TM4SF5: variants seen among roughly 807,000 people sequenced by gnomAD.
TM4SF5 encodes the protein transmembrane 4 L six family member 5, also known as transmembrane 4 L6 family member 5.
In TM4SF5, 16 loss-of-function variants were observed where a neutral mutation model predicts 22.3. The ratio of observed to expected loss-of-function variants is 0.72; its 90% CI spans 0.49 to 1.09. The LOEUF is 1.09. Ranked by LOEUF, TM4SF5 falls within the 50% of genes least tolerant of loss-of-function variation. The pLI is 0.00. For missense variants in TM4SF5, 249 were observed against 266.1 expected (o/e 0.94, Z 0.45); for synonymous variants, 113 against 109.6 (o/e 1.03, Z -0.19).
chr17:4,781,066 G>A (rs1917297043), intron 2 of TM4SF5, among the ~76,000 whole-genome samples, 197 bp downstream of exon 2: 1 of 150,876 alleles, frequency 6.6e-6, no homozygotes, highest in South Asian at 2.1e-4. Flanking sequence ...TGCAATCTCG[G>A]CTACTTGGGA....
chr17:4,782,744 G>C (rs1461327941), intron 3 of TM4SF5, 105 bp downstream of exon 3: 1 of 1,571,882 alleles, frequency 6.4e-7, no homozygotes, highest in Non-Finnish European at 8.6e-7. Context: ...GAGGGCACTC[G>C]CTCCACGTGG....
At chr17:4,781,135 T>TAAA (rs541886050) in intron 2 of TM4SF5, among the ~76,000 whole-genome samples, 7 of 125,154 alleles carry the variant, frequency 5.6e-5, no homozygotes, top group East Asian at 3.0e-4. Flanking sequence ...AGCAGTGATT[T>TAAA]AAAAAAAAAA....
intron 1 of TM4SF5, among the ~76,000 whole-genome samples, chr17:4,776,888 C>T (rs72833197): frequency 0.034 from 5,165 of 152,134 alleles, 104 homozygotes; most frequent in Non-Finnish European, 0.053. Flanking sequence ...AGTAGAAGGT[C>T]TGCAATATAT....
At chr17:4,776,734 A>T (rs1383726893) in intron 1 of TM4SF5, among the ~76,000 whole-genome samples, 3 of 152,216 alleles carry the variant, frequency 2.0e-5, no homozygotes, top group Non-Finnish European at 4.4e-5. Context: ...ACCTAGCAGT[A>T]AAACTGCTGA....
At chr17:4,777,133 G>T (rs993534825) in intron 1 of TM4SF5, among the ~76,000 whole-genome samples, 6 of 150,650 alleles carry the variant, frequency 4.0e-5, no homozygotes, top group Admixed American at 2.0e-4. Context: ...GCAGACAGAG[G>T]TTACAGTGAG....
chr17:4,774,237 C>T (rs765884640), intron 1 of TM4SF5, among the ~76,000 whole-genome samples: 7 of 150,442 alleles, frequency 4.7e-5, no homozygotes, highest in Non-Finnish European at 8.9e-5. Context: ...AATAAATAAG[C>T]ACTGCTGTAT....
chr17:4,773,446 G>A (rs181003069), intron 1 of TM4SF5, among the ~76,000 whole-genome samples: 42 of 152,226 alleles, frequency 2.8e-4, no homozygotes, highest in Admixed American at 1.9e-3. Context: ...GGTCAACCTC[G>A]TTTAATATCT....
intron 4 of TM4SF5, 22 bp downstream of exon 4, chr17:4,783,059 T>A (rs200428400): frequency 5.6e-5 from 90 of 1,613,842 alleles, no homozygotes; most frequent in Non-Finnish European, 7.5e-5. Context: ...TGCGGTGGAG[T>A]TGTAGAGGGA....
rs746166687 is a variant in TM4SF5 at position 4,783,129 on chromosome 17, G to A, written c.*1G>A. 4 of 1,614,024 alleles carry A rather than the reference G, an allele frequency of 2.5e-6. No individual in the cohort carries two copies. Among genetic ancestry groups the A allele is most frequent in the Non-Finnish European group, 2.5e-6 (3 of 1,179,998 alleles). The stretch of plus-strand genomic sequence containing the variant: ...TTTTCCGCAGGACACACCTCACTGA[G>A]GCTCCACTGACCGCCGGGTTACACC... On this transcript the variant is annotated 3_prime_UTR_variant, in exon 5 of 5. Transcript: ENST00000270560.
chr17:4,780,971 G>A lies in TM4SF5; in HGVS notation c.258+102G>A, dbSNP rs143348332. 227 of 987,642 alleles carry A rather than the reference G, an allele frequency of 2.3e-4. 1 individual carries two copies. The East Asian group carries it at 6.0e-3, about 26-fold the overall frequency. 61.2% of individuals were successfully genotyped at this position (987,642 alleles called of 1,614,324 possible). On this transcript the variant is annotated intron_variant, in intron 2 of 4. Transcript: ENST00000270560. ...GAGGTGGGAGTACGGCTTGAGCCAG[G>A]AGTTCTAGACCAGCCCAGGAAACAT...
At chr17:4,773,256 C>T (rs546536760) in intron 1 of TM4SF5, among the ~76,000 whole-genome samples, 3 of 152,198 alleles carry the variant, frequency 2.0e-5, no homozygotes, top group Non-Finnish European at 2.9e-5. Context: ...TGGTCTCAAA[C>T]TCCTGGATTC....
intron 1 of TM4SF5, among the ~76,000 whole-genome samples, chr17:4,780,206 C>T (rs1917275998): frequency 6.6e-6 from 1 of 152,074 alleles, no homozygotes; most frequent in Non-Finnish European, 1.5e-5. Flanking sequence ...TAGGCATGCG[C>T]CACCACGCCC....
intron 1 of TM4SF5, among the ~76,000 whole-genome samples, chr17:4,776,076 C>T (rs1422004231): frequency 6.6e-6 from 1 of 151,876 alleles, no homozygotes; most frequent in African/African-American, 2.4e-5. Flanking sequence ...CTCGCACTCC[C>T]GACCTCAGGT....
rs1917114127 is a variant in TM4SF5 at position 4,771,888 on chromosome 17, T to C, written c.-35T>C. 6.2e-7 allele frequency: 1 copy of C among 1,612,590 alleles called. No individual in the cohort carries two copies. Among genetic ancestry groups the C allele is most frequent in the Non-Finnish European group, 8.5e-7 (1 of 1,178,958 alleles). On this transcript the variant is annotated 5_prime_UTR_variant, in exon 1 of 5. Coordinates refer to ENST00000270560, the MANE Select transcript of TM4SF5 (RefSeq NM_003963.3). ...CTGGACCTGGGAACCACTGGCTTAC[T>C]TTCACTCACCGCCTGTCCTTCCTGA...
chr17:4,771,944 C>T lies in TM4SF5; in HGVS notation c.22C>T (p.Arg8Cys), dbSNP rs553682192. Residue 8 changes from arginine to cysteine, a missense_variant, in exon 1 of 5, where the codon CGC becomes TGC. By Grantham distance (180) the Arg-to-Cys change is radical (BLOSUM62 -3). Transcript: ENST00000270560. Reference sequence around the variant, plus strand: ...CACCATGTGTACGGGAAAATGTGCCCGCTGTGTGGGGCTCTCCCTCATTAC... The same window carrying T: ...CACCATGTGTACGGGAAAATGTGCCTGCTGTGTGGGGCTCTCCCTCATTAC... MCTGKCA[R>C]CVGLSLITLC... 9.3e-6 allele frequency: 15 copies of T among 1,614,074 alleles called. No individual in the cohort carries two copies. Among genetic ancestry groups the T allele is most frequent in the African/African-American group, 4.0e-5 (3 of 74,930 alleles).
chr17:4,779,183 A>G (rs1183714686), intron 1 of TM4SF5, among the ~76,000 whole-genome samples: 1 of 152,178 alleles, frequency 6.6e-6, no homozygotes, highest in Non-Finnish European at 1.5e-5. Flanking sequence ...TACACCTGTA[A>G]TCCCAGCAAT....
At chr17:4,781,330 C>CA (rs1184616277) in intron 2 of TM4SF5, among the ~76,000 whole-genome samples, 6 of 142,574 alleles carry the variant, frequency 4.2e-5, no homozygotes, top group Middle Eastern at 3.8e-3. Flanking sequence ...AACTCTGTCT[C>CA]AAAAAAAAGA....
At chr17:4,780,136 A>C (rs1917274129) in intron 1 of TM4SF5, among the ~76,000 whole-genome samples, 1 of 149,238 alleles carries the variant, frequency 6.7e-6, no homozygotes, top group Non-Finnish European at 1.5e-5. Context: ...GCTCACCACA[A>C]CCTCCACCTC....
intron 1 of TM4SF5, 128 bp downstream of exon 1, chr17:4,772,227 G>A: frequency 8.6e-7 from 1 of 1,169,372 alleles, no homozygotes; most frequent in African/African-American, 1.5e-5. Context: ...CTTCGTGGGG[G>A]CTAGCAGCCC....
Sources: allele counts gnomAD v4.1 joint callset (sites outside exome capture counted in the v4.1 genomes callset), GRCh38; gene constraint gnomAD v4.1.1; transcripts MANE v1.5; gene names NCBI Gene and HGNC (gene_info 2026-07-23, HGNC 2026-07-21).